KIF26B: variants seen among roughly 807,000 people sequenced by gnomAD.
KIF26B encodes the protein kinesin-like protein KIF26B.
Under a neutral mutation model 151.2 loss-of-function variants are expected in KIF26B, and 63 were observed. The ratio of observed to expected loss-of-function variants is 0.42; its 90% confidence interval spans 0.34 to 0.51. The LOEUF (loss-of-function observed/expected upper bound fraction) is 0.51, where lower values mean the gene tolerates loss of function less well. KIF26B is among the 20% of genes least tolerant of loss of function. The pLI is 0.07. For missense variants in KIF26B, 2,813 were observed against 2,913.6 expected (o/e 0.97, Z 0.79); for synonymous variants, 1,357 against 1,262.1 (o/e 1.08, Z -1.59).
intron 2 of KIF26B, among the ~76,000 whole-genome samples, chr1:245,183,537 T>G (rs770736333): frequency 5.9e-5 from 9 of 152,226 alleles, no homozygotes; most frequent in Non-Finnish European, 1.2e-4. Context: ...GAATGACCAC[T>G]GTGGATTTTC....
chr1:245,556,779 T>C (rs1324209969), intron 5 of KIF26B, among the ~76,000 whole-genome samples: 1 of 152,126 alleles, frequency 6.6e-6, no homozygotes, highest in African/African-American at 2.4e-5. Flanking sequence ...GCTTAAGTGA[T>C]CCTCCCACCT....
chr1:245,638,504 T>G (rs1443560047), intron 9 of KIF26B, among the ~76,000 whole-genome samples: 2 of 151,906 alleles, frequency 1.3e-5, no homozygotes, highest in African/African-American at 4.8e-5. Context: ...TGGCTAGGAA[T>G]TCTAGTACTA....
chr1:245,219,127 C>CTTTTTTTTTTTTTTTTT (rs1166578525), intron 2 of KIF26B, among the ~76,000 whole-genome samples: 3 of 56,188 alleles, frequency 5.3e-5, no homozygotes, highest in African/African-American at 2.0e-4. Flanking sequence ...ATACCTACCT[C>CTTTTTTTTTTTTTTTTT]TTTTTTTTTT....
intron 5 of KIF26B, among the ~76,000 whole-genome samples, chr1:245,553,031 C>T (rs185066612): frequency 5.4e-4 from 83 of 152,302 alleles, no homozygotes; most frequent in African/African-American, 2.0e-3. Flanking sequence ...AGAGGTGACA[C>T]CGCTTTTCAG....
At chr1:245,510,400 A>G (rs888228606) in intron 4 of KIF26B, among the ~76,000 whole-genome samples, 5 of 152,302 alleles carry the variant, frequency 3.3e-5, no homozygotes, top group African/African-American at 1.2e-4. Flanking sequence ...CCTGGGTTCC[A>G]TCAGCTTTGT....
At chr1:245,162,584 C>T (rs1489563997) in intron 2 of KIF26B, among the ~76,000 whole-genome samples, 1 of 152,042 alleles carries the variant, frequency 6.6e-6, no homozygotes, top group East Asian at 1.9e-4. Flanking sequence ...TGGGGTTTCA[C>T]CATATTGGTC....
chr1:245,194,385 A>G (rs546188231), intron 2 of KIF26B, among the ~76,000 whole-genome samples: 5 of 152,300 alleles, frequency 3.3e-5, no homozygotes, highest in East Asian at 1.9e-4. Flanking sequence ...ACAAAACTCT[A>G]TGGAAACAAA....
At chr1:245,646,804 C>G (rs2043953151) in intron 10 of KIF26B, among the ~76,000 whole-genome samples, 1 of 152,172 alleles carries the variant, frequency 6.6e-6, no homozygotes, top group African/African-American at 2.4e-5. Flanking sequence ...CTCGGGAGTT[C>G]AGAAAGCTAG....
At chr1:245,585,665 C>T (rs915956602) in intron 5 of KIF26B, among the ~76,000 whole-genome samples, 1 of 152,208 alleles carries the variant, frequency 6.6e-6, no homozygotes, top group Admixed American at 6.5e-5. Context: ...TTTCTCTTCT[C>T]GAGAGTTCCG....
Position 245,208,509 on chromosome 1 carries a change from C to T in KIF26B, c.465+51826C>T, listed in dbSNP as rs539083683. ...CAATTGGCTGCTGCTGCTTGACGCT[C>T]ATTTTCCTTCCTCAGGAGAGGTGGC... On this transcript the variant is annotated intron_variant, in intron 2 of 14. Coordinates refer to ENST00000407071, the MANE Select transcript of KIF26B (RefSeq NM_018012.4). Among the ~76,000 whole-genome samples the T allele has an allele frequency of 2.5e-3, 381 of 152,304 alleles. 4 individuals are homozygous for T. Among genetic ancestry groups the T allele is most frequent in the Admixed American group, 4.7e-3 (72 of 15,304 alleles).
At chr1:245,662,550 T>A (rs1224061296) in intron 10 of KIF26B, among the ~76,000 whole-genome samples, 49 of 91,922 alleles carry the variant, frequency 5.3e-4, no homozygotes, top group African/African-American at 2.0e-3. Context: ...ACACACCCAA[T>A]GATATATATA....
At chr1:245,315,221 TCC>T (rs1411948043) in intron 2 of KIF26B, among the ~76,000 whole-genome samples, 3 of 149,674 alleles carry the variant, frequency 2.0e-5, no homozygotes, top group Non-Finnish European at 3.0e-5. Context: ...TTGGCTATAA[TCC>T]CCATTGGAGT....
At chr1:245,377,008 G>C (rs1234836233) in intron 3 of KIF26B, among the ~76,000 whole-genome samples, 2 of 149,820 alleles carry the variant, frequency 1.3e-5, no homozygotes. Context: ...TCTGCCTCCT[G>C]GGTTCAAGTG....
At chr1:245,283,510 A>G (rs7544367) in intron 2 of KIF26B, among the ~76,000 whole-genome samples, 85,220 of 151,868 alleles carry the variant, frequency 0.56, 24,248 homozygotes, top group East Asian at 0.7. Context: ...CTGGGGAGTT[A>G]TTGGTCTGTG....
Position 245,331,257 on chromosome 1 carries a change from C to T in KIF26B, c.466-35577C>T, listed in dbSNP as rs538986624. Among the ~76,000 whole-genome samples the T allele has an allele frequency of 7.2e-5, 11 of 152,162 alleles. No individual in the cohort carries two copies. In the East Asian group the frequency reaches 1.7e-3, roughly 24 times the overall value. ...CACGTGCGGACCAGAGGCTTCCCAG[C>T]GCCACGGTGCCAAGTTGTGGGGGTG... On this transcript the variant is annotated intron_variant, in intron 2 of 14. Transcript: ENST00000407071.
At chr1:245,296,480 C>G (rs573331897) in intron 2 of KIF26B, among the ~76,000 whole-genome samples, 1 of 152,086 alleles carries the variant, frequency 6.6e-6, no homozygotes, top group Non-Finnish European at 1.5e-5. Flanking sequence ...CAGGTGCCAC[C>G]GGGCAGCTGC....
At chr1:245,253,458 C>T (rs150889217) in intron 2 of KIF26B, among the ~76,000 whole-genome samples, 445 of 152,238 alleles carry the variant, frequency 2.9e-3, no homozygotes, top group African/African-American at 0.01. Context: ...TTGGAAGTTT[C>T]ACATCTGTTT....
intron 4 of KIF26B, among the ~76,000 whole-genome samples, chr1:245,502,770 A>G (rs1049839876): frequency 1.3e-5 from 2 of 152,170 alleles, no homozygotes; most frequent in Non-Finnish European, 2.9e-5. Flanking sequence ...AGGAGGGTTA[A>G]AGAACATCAG....
chr1:245,253,851 G>A (rs188649771), intron 2 of KIF26B, among the ~76,000 whole-genome samples: 5 of 117,790 alleles, frequency 4.2e-5, no homozygotes, highest in Non-Finnish European at 4.8e-5. Flanking sequence ...GCTCTGCTGC[G>A]CAGGCTGGAG....
Sources: gnomAD v4.1 joint callset for allele counts (sites outside exome capture counted in the v4.1 genomes callset) on GRCh38, gnomAD v4.1.1 for gene constraint, MANE v1.5 for transcripts, NCBI Gene and HGNC (gene_info 2026-07-23, HGNC 2026-07-21) for gene names.